PPP1R9A: variants seen among roughly 807,000 people sequenced by gnomAD.
PPP1R9A encodes the protein protein phosphatase 1 regulatory subunit 9A.
In PPP1R9A, 59 loss-of-function variants were observed where a neutral mutation model predicts 141.9. That is an observed-to-expected ratio of 0.42 (90% CI 0.34 to 0.52). The LOEUF (loss-of-function observed/expected upper bound fraction) is 0.52. PPP1R9A is among the 20% of genes least tolerant of loss of function. PPP1R9A has a pLI of 0.10. For missense variants in PPP1R9A, 1,444 were observed against 1,611.9 expected, an observed-to-expected ratio of 0.90 and a Z score of 1.78; for synonymous variants, 500 against 569.7, an observed-to-expected ratio of 0.88 and a Z score of 1.74.
At chr7:95,045,667 C>T (rs79882638) in intron 2 of PPP1R9A, among the ~76,000 whole-genome samples, 3,193 of 152,278 alleles carry the variant, frequency 0.021, 119 homozygotes, top group African/African-American at 0.073. Flanking sequence ...GACCAATGAT[C>T]ATTTTTAGAG....
At chr7:95,098,863 G>T (rs1401074442) in intron 2 of PPP1R9A, among the ~76,000 whole-genome samples, 1 of 152,092 alleles carries the variant, frequency 6.6e-6, no homozygotes, top group African/African-American at 2.4e-5. Context: ...TCACCCCTGG[G>T]GGATTTTCAT....
intron 2 of PPP1R9A, among the ~76,000 whole-genome samples, chr7:95,038,359 A>T (rs1047248786): frequency 6.6e-6 from 1 of 152,048 alleles, no homozygotes; most frequent in Non-Finnish European, 1.5e-5. Context: ...ATTGCTGAAG[A>T]CTAAGTATTC....
intron 8 of PPP1R9A, among the ~76,000 whole-genome samples, chr7:95,245,893 A>G (rs530224620): frequency 3.3e-5 from 5 of 152,318 alleles, no homozygotes; most frequent in African/African-American, 1.2e-4. Flanking sequence ...GCAAGGAGCA[A>G]TAGCCACACC....
At chr7:95,169,247 G>A (rs1831740032) in intron 5 of PPP1R9A, among the ~76,000 whole-genome samples, 1 of 151,888 alleles carries the variant, frequency 6.6e-6, no homozygotes, top group Non-Finnish European at 1.5e-5. Flanking sequence ...ACGTGGATGG[G>A]AACTGGAGGT....
intron 2 of PPP1R9A, among the ~76,000 whole-genome samples, chr7:94,940,120 A>G (rs1795180149): frequency 6.6e-6 from 1 of 152,088 alleles, no homozygotes. Context: ...CATGATGGCT[A>G]TTATTAATTA....
In PPP1R9A at chr7:94,965,168, G is replaced by GT. The variant is rs904487170; in HGVS notation, c.1395+53669dup. 2.2e-3 allele frequency among the ~76,000 whole-genome samples: 335 copies of GT among 149,742 alleles called. 2 individuals are homozygous for GT. The highest frequency in any genetic ancestry group is 6.5e-3 in the African/African-American group (265 of 40,842). ...TGCCCACTTCTTGGTGGGGTTGTTT[G>GT]TTTTTTTTTCTTGTAAATTTGTTTA... On this transcript the variant is annotated intron_variant, in intron 2 of 19. Coordinates refer to ENST00000433360, the MANE Select transcript of PPP1R9A (RefSeq NM_001166160.2).
At chr7:94,981,761 A>G (rs1800140756) in intron 2 of PPP1R9A, among the ~76,000 whole-genome samples, 1 of 152,142 alleles carries the variant, frequency 6.6e-6, no homozygotes. Flanking sequence ...GTCATGAAGC[A>G]AAATTGAGGT....
intron 2 of PPP1R9A, among the ~76,000 whole-genome samples, chr7:95,072,659 A>G (rs998182761): frequency 8.1e-6 from 1 of 122,862 alleles, no homozygotes; most frequent in South Asian, 2.2e-4. Flanking sequence ...ATTATAAAAT[A>G]TATATTATAT....
intron 7 of PPP1R9A, among the ~76,000 whole-genome samples, chr7:95,205,017 CCACA>C (rs143843788): frequency 2.0e-5 from 3 of 150,204 alleles, no homozygotes; most frequent in African/African-American, 7.3e-5. Context: ...CACACACACG[CCACA>C]CACACACACA....
intron 2 of PPP1R9A, among the ~76,000 whole-genome samples, chr7:95,016,433 A>G (rs1805113898): frequency 6.6e-6 from 1 of 152,152 alleles, no homozygotes; most frequent in Non-Finnish European, 1.5e-5. Context: ...ATAGACAAAA[A>G]TCTATCATGA....
At chr7:95,181,365 G>A (rs189073659) in intron 5 of PPP1R9A, among the ~76,000 whole-genome samples, 2 of 135,306 alleles carry the variant, frequency 1.5e-5, no homozygotes, top group South Asian at 2.3e-4. Context: ...TATAGAATAT[G>A]TATGGAATAT....
chr7:95,075,996 A>C (rs1260540375), intron 2 of PPP1R9A, among the ~76,000 whole-genome samples: 1 of 152,166 alleles, frequency 6.6e-6, no homozygotes, highest in Admixed American at 6.5e-5. Context: ...CGTCTTTCTG[A>C]TATGGAAGAG....
chr7:95,201,431 T>C (rs150326865), intron 6 of PPP1R9A, among the ~76,000 whole-genome samples: 1 of 152,152 alleles, frequency 6.6e-6, no homozygotes, highest in Admixed American at 6.5e-5. Flanking sequence ...CAACTGTTAA[T>C]TTTCAGTGCA....
chr7:94,989,387 G>A (rs1801227451), intron 2 of PPP1R9A, among the ~76,000 whole-genome samples: 2 of 152,116 alleles, frequency 1.3e-5, no homozygotes, highest in Non-Finnish European at 2.9e-5. Context: ...CAAGTGGTCA[G>A]CAAACTGACT....
chr7:94,959,862 C>T (rs1263791977), intron 2 of PPP1R9A, among the ~76,000 whole-genome samples: 2 of 151,652 alleles, frequency 1.3e-5, no homozygotes, highest in Admixed American at 6.6e-5. Flanking sequence ...TTTTAAATCT[C>T]CTCAGAAGTA....
At position 95,284,350 on chromosome 7, in the gene PPP1R9A, C is replaced by T; in HGVS notation, c.3609+20C>T. The T allele has an allele frequency of 7.0e-7, 1 of 1,419,902 alleles. No homozygotes were observed. 88.0% of individuals were successfully genotyped at this position (1,419,902 alleles called of 1,614,324 possible). A position where few individuals can be genotyped will look rare whatever the true frequency, so the allele number is the denominator to read the frequency against. On this transcript the variant is annotated intron_variant, in intron 17 of 19. Transcript: ENST00000433360. ...ACCAATGTAATAACACTGCAATAAACAATGCATGGTATTTCTTATGTGGGG... is the reference window on the plus strand; with the variant it reads ...ACCAATGTAATAACACTGCAATAAATAATGCATGGTATTTCTTATGTGGGG...
intron 2 of PPP1R9A, among the ~76,000 whole-genome samples, chr7:94,947,775 A>G (rs1796051224): frequency 6.6e-6 from 1 of 152,158 alleles, no homozygotes; most frequent in Admixed American, 6.6e-5. Flanking sequence ...ATTTGTAATA[A>G]GTTTCATGAA....
intron 2 of PPP1R9A, among the ~76,000 whole-genome samples, chr7:94,920,312 T>C (rs1447509013): frequency 2.0e-5 from 3 of 152,140 alleles, no homozygotes; most frequent in Non-Finnish European, 4.4e-5. Flanking sequence ...CTTCACTCAC[T>C]TTTGCTCTGG....
intron 5 of PPP1R9A, among the ~76,000 whole-genome samples, chr7:95,188,091 TC>T: frequency 6.6e-6 from 1 of 152,292 alleles, no homozygotes; most frequent in East Asian, 1.9e-4. Context: ...AGTATTGAAG[TC>T]CCCTATTATT....
Sources: gnomAD v4.1 joint callset for allele counts (sites outside exome capture counted in the v4.1 genomes callset) on GRCh38, gnomAD v4.1.1 for gene constraint, MANE v1.5 for transcripts, NCBI Gene and HGNC (gene_info 2026-07-23, HGNC 2026-07-21) for gene names.